ASXL2: variants seen among roughly 807,000 people sequenced by gnomAD.
ASXL2 encodes ASXL transcriptional regulator 2, also known as putative Polycomb group protein ASXL2.
In ASXL2, 23 loss-of-function variants were observed where a neutral mutation model predicts 122.0. The ratio of observed to expected loss-of-function variants is 0.19; its 90% CI spans 0.14 to 0.27. The LOEUF is 0.27. Ranked by LOEUF, ASXL2 falls within the 10% of genes least tolerant of loss-of-function variation. ASXL2 has a pLI of 1.00. For missense variants in ASXL2, 1,518 were observed against 1,713.8 expected (o/e 0.89, Z 2.02); for synonymous variants, 650 against 637.0 (o/e 1.02, Z -0.31).
intron 1 of ASXL2, among the ~76,000 whole-genome samples, chr2:25,847,291 T>C (rs2089660260): frequency 6.6e-6 from 1 of 152,230 alleles, no homozygotes; most frequent in African/African-American, 2.4e-5. Flanking sequence ...TATTAAACTG[T>C]TCCCTTCGCA....
At chr2:25,854,296 C>G (rs1373357624) in intron 1 of ASXL2, among the ~76,000 whole-genome samples, 1 of 152,210 alleles carries the variant, frequency 6.6e-6, no homozygotes, top group African/African-American at 2.4e-5. Flanking sequence ...ACTTATCTAG[C>G]ATTTAACTGC....
chr2:25,876,764 TG>T (rs1469584485), intron 1 of ASXL2, among the ~76,000 whole-genome samples: 2 of 152,190 alleles, frequency 1.3e-5, no homozygotes, highest in African/African-American at 4.8e-5. Context: ...AAAGACATAT[TG>T]TAAGTGAAAA....
intron 2 of ASXL2, chr2:25,845,244 G>T: frequency 1.8e-6 from 1 of 557,052 alleles, no homozygotes; most frequent in Non-Finnish European, 3.3e-6. Flanking sequence ...AAAAATTAAA[G>T]TGCATGGGCT....
At chr2:25,774,401 T>C (rs1387747267) in intron 5 of ASXL2, among the ~76,000 whole-genome samples, 3 of 152,208 alleles carry the variant, frequency 2.0e-5, no homozygotes, top group Non-Finnish European at 4.4e-5. Context: ...CCGGTCACAA[T>C]CTTCAAGGAT....
In ASXL2 at chr2:25,825,926, C is replaced by T. The variant is rs977306099; in HGVS notation, c.143+9612G>A. ...TACTAACAAAAATCAGATAAGATAT[C>T]GGTTGACAAGGGAGCTCCATAGGTG... On this transcript the variant is annotated intron_variant, in intron 3 of 12. Transcript: ENST00000435504. Among the ~76,000 whole-genome samples, 5 of 152,194 alleles carry T rather than the reference C, an allele frequency of 3.3e-5. No homozygotes were observed. The East Asian group carries it at 5.8e-4, about 18-fold the overall frequency.
At chr2:25,795,017 A>C (rs2088891823) in intron 5 of ASXL2, among the ~76,000 whole-genome samples, 1 of 152,204 alleles carries the variant, frequency 6.6e-6, no homozygotes, top group Non-Finnish European at 1.5e-5. Context: ...CCCATGAAAG[A>C]CAGATGCATA....
At chr2:25,785,300 A>T (rs2088720529) in intron 5 of ASXL2, among the ~76,000 whole-genome samples, 1 of 152,076 alleles carries the variant, frequency 6.6e-6, no homozygotes, top group South Asian at 2.1e-4. Context: ...ATCTCAGCTC[A>T]CTGCAACCTG....
At position 25,776,691 on chromosome 2, in the gene ASXL2, T is replaced by C. The variant is rs543265989; in HGVS notation, c.404-5151A>G. On this transcript the variant is annotated intron_variant, in intron 5 of 12. Transcript: ENST00000435504. The stretch of plus-strand genomic sequence containing the variant: ...GTCTGTCTTTTTTACTTGGCCAATG[T>C]TTTTAAAGAGACAAAAGTAAAAGTT... Among the ~76,000 whole-genome samples the C allele has an allele frequency of 3.9e-5, 6 of 152,340 alleles. No individual in the cohort carries two copies. The South Asian group carries it at 1.0e-3, about 26-fold the overall frequency.
At chr2:25,826,923 C>T (rs1041868049) in intron 3 of ASXL2, among the ~76,000 whole-genome samples, 21 of 152,010 alleles carry the variant, frequency 1.4e-4, no homozygotes, top group African/African-American at 5.1e-4. Flanking sequence ...AATTCCTAAG[C>T]TCAAATGCTC....
chr2:25,798,679 G>C (rs1029828239), intron 5 of ASXL2, among the ~76,000 whole-genome samples: 7 of 152,102 alleles, frequency 4.6e-5, no homozygotes, highest in Non-Finnish European at 8.8e-5. Flanking sequence ...CAGGGTAATT[G>C]CTTGAACCCA....
intron 1 of ASXL2, among the ~76,000 whole-genome samples, chr2:25,864,991 TTTTG>T (rs990520989): frequency 3.3e-5 from 5 of 151,912 alleles, no homozygotes; most frequent in African/African-American, 9.7e-5. Context: ...CTAGCTAATT[TTTTG>T]TATTTTGATT....
At chr2:25,799,834 C>T (rs2088968538) in intron 4 of ASXL2, among the ~76,000 whole-genome samples, 1 of 152,054 alleles carries the variant, frequency 6.6e-6, no homozygotes, top group South Asian at 2.1e-4. Flanking sequence ...AATACTCTTA[C>T]ATTTTAAAAA....
intron 5 of ASXL2, among the ~76,000 whole-genome samples, chr2:25,786,724 C>T (rs2088754270): frequency 4.6e-5 from 7 of 151,950 alleles, no homozygotes; most frequent in Admixed American, 2.0e-4. Context: ...TGTGGTGGCA[C>T]ACACCTGTAA....
chr2:25,796,980 C>G (rs1383670357), intron 5 of ASXL2, among the ~76,000 whole-genome samples: 1 of 152,146 alleles, frequency 6.6e-6, no homozygotes, highest in Non-Finnish European at 1.5e-5. Context: ...ATGAAAATTT[C>G]TAAAACTCCC....
chr2:25,792,182 G>A (rs1028457026), intron 5 of ASXL2, among the ~76,000 whole-genome samples: 1 of 152,088 alleles, frequency 6.6e-6, no homozygotes, highest in African/African-American at 2.4e-5. Flanking sequence ...TTTATTTTTT[G>A]TAGAGACAGG....
At chr2:25,822,757 A>T in intron 3 of ASXL2, 1 of 615,298 alleles carries the variant, frequency 1.6e-6, no homozygotes, top group South Asian at 1.4e-5. Flanking sequence ...GCAAAACTCA[A>T]TTGGCTTAGT....
intron 1 of ASXL2, among the ~76,000 whole-genome samples, chr2:25,871,388 G>C (rs1347242042): frequency 6.6e-6 from 1 of 152,072 alleles, no homozygotes; most frequent in Non-Finnish European, 1.5e-5. Flanking sequence ...CAAACCTGAG[G>C]TTATTTTCTC....
chr2:25,749,208 G>A lies in ASXL2; in HGVS notation c.1860+488C>T, dbSNP rs75726599. ...AAGCATGCATTACAGACTACCTGTAGGGGAACCGAAGGAAGCCCAAGACTC... is the reference window on the plus strand; with the variant it reads ...AAGCATGCATTACAGACTACCTGTAAGGGAACCGAAGGAAGCCCAAGACTC... On this transcript the variant is annotated intron_variant, in intron 12 of 12. Transcript: ENST00000435504. 3.5e-3 allele frequency among the ~76,000 whole-genome samples: 534 copies of A among 152,284 alleles called. 4 individuals carry two copies. The highest frequency in any genetic ancestry group is 0.012 in the African/African-American group (501 of 41,538).
intron 3 of ASXL2, among the ~76,000 whole-genome samples, chr2:25,817,129 A>G (rs1385314428): frequency 6.6e-6 from 1 of 152,204 alleles, no homozygotes; most frequent in Non-Finnish European, 1.5e-5. Flanking sequence ...CTCAAAAAAA[A>G]AAATTCTTAA....
Sources: gnomAD v4.1 joint callset for allele counts (sites outside exome capture counted in the v4.1 genomes callset) on GRCh38, gnomAD v4.1.1 for gene constraint, MANE v1.5 for transcripts, NCBI Gene and HGNC (gene_info 2026-07-23, HGNC 2026-07-21) for gene names.